EDC3: variants seen among roughly 807,000 people sequenced by gnomAD.
EDC3 encodes the protein enhancer of mRNA decapping 3.
Under a neutral mutation model 41.8 loss-of-function variants are expected in EDC3, and 20 were observed. The observed-to-expected ratio is 0.48, with a 90% CI of 0.34 to 0.70. EDC3 has a LOEUF of 0.70. Among genes scored for constraint, EDC3 ranks in the 30% least tolerant of loss-of-function variants. The probability of loss-of-function intolerance (pLI) is 0.01; values close to 1 mark genes in which losing one functional copy is unlikely to be tolerated. For missense variants in EDC3, 444 were observed against 636.8 expected, an observed-to-expected ratio of 0.70 and a Z score of 3.26; for synonymous variants, 206 against 243.2, an observed-to-expected ratio of 0.85 and a Z score of 1.42.
At chr15:74,658,029 G>A (rs1053082365) in intron 3 of EDC3, among the ~76,000 whole-genome samples, 1 of 152,068 alleles carries the variant, frequency 6.6e-6, no homozygotes, top group Non-Finnish European at 1.5e-5. Flanking sequence ...CTACACATCA[G>A]TCAACAACTA....
At chr15:74,647,920 TC>T in intron 4 of EDC3, among the ~76,000 whole-genome samples, 1 of 152,296 alleles carries the variant, frequency 6.6e-6, no homozygotes, top group South Asian at 2.1e-4. Context: ...TCCTGATGTC[TC>T]CCAGAATAAC....
At chr15:74,662,615 T>C (rs2141630302) in intron 3 of EDC3, among the ~76,000 whole-genome samples, 1 of 151,960 alleles carries the variant, frequency 6.6e-6, no homozygotes, top group African/African-American at 2.4e-5. Context: ...TATAAAAGAG[T>C]TACGAAGCAA....
rs1052003349 is a variant in EDC3, at chr15:74,680,826, A to G, written c.-18-5684T>C. On this transcript the variant is annotated intron_variant, in intron 1 of 6. Transcript: ENST00000315127. ...ATACAAAAGCCAATCTTATTTCAGT[A>G]TATTAGCAATGAACACATGGGCAAT... Among the ~76,000 whole-genome samples the G allele has an allele frequency of 2.6e-5, 4 of 152,212 alleles. No homozygotes were observed. The East Asian group carries it at 5.8e-4, about 22-fold the overall frequency.
intron 1 of EDC3, among the ~76,000 whole-genome samples, chr15:74,677,790 C>T (rs1434233524): frequency 6.6e-6 from 1 of 152,120 alleles, no homozygotes; most frequent in African/African-American, 2.4e-5. Context: ...TAAATCTGCA[C>T]GTGGATGTTT....
chr15:74,674,551 T>C (rs903341020), intron 2 of EDC3, among the ~76,000 whole-genome samples: 3 of 152,112 alleles, frequency 2.0e-5, no homozygotes, highest in Non-Finnish European at 4.4e-5. Context: ...TTCTAGAGAA[T>C]GAAGCCACAA....
At position 74,632,146 on chromosome 15, in the gene EDC3, A is replaced by G. The variant is rs1398913916; in HGVS notation, c.*466T>C. 2 of 200,508 alleles carry G rather than the reference A, an allele frequency of 1.0e-5. No homozygotes were observed. The highest frequency in any genetic ancestry group is 2.3e-4 in the East Asian group (2 of 8,616). 12.4% of individuals were successfully genotyped at this position (200,508 alleles called of 1,614,324 possible). On this transcript the variant is annotated 3_prime_UTR_variant, in exon 7 of 7. Transcript: ENST00000315127. This position sits in a 1 kb window ranked among gnomAD's most constrained non-coding sequence, Gnocchi z 4.0. ...AGTGCAGGTCTGCCCTCTGGTGGAC[A>G]GCTGCCGTGCAGCTGGTTCTACAGA...
chr15:74,670,179 AC>A (rs985778096), intron 3 of EDC3, among the ~76,000 whole-genome samples: 1 of 151,910 alleles, frequency 6.6e-6, no homozygotes, highest in Non-Finnish European at 1.5e-5. Context: ...AATTTCTAAT[AC>A]ATTCTGCTAC....
chr15:74,676,237 G>A (rs2141659430), intron 1 of EDC3, among the ~76,000 whole-genome samples: 1 of 152,128 alleles, frequency 6.6e-6, no homozygotes, highest in East Asian at 1.9e-4. Context: ...ACTTTTGTAT[G>A]ACATGCTTAA....
At chr15:74,662,619 G>A (rs1189761826) in intron 3 of EDC3, among the ~76,000 whole-genome samples, 3 of 152,042 alleles carry the variant, frequency 2.0e-5, no homozygotes, top group African/African-American at 7.2e-5. Flanking sequence ...AAAGAGTTAC[G>A]AAGCAAGGGC....
At chr15:74,660,670 T>C (rs1299181933) in intron 3 of EDC3, among the ~76,000 whole-genome samples, 1 of 152,056 alleles carries the variant, frequency 6.6e-6, no homozygotes, top group Admixed American at 6.6e-5. Flanking sequence ...CAAAACATCC[T>C]ATTAGAAATA....
intron 1 of EDC3, among the ~76,000 whole-genome samples, chr15:74,676,497 CATA>C (rs1174958839): frequency 3.3e-5 from 5 of 152,014 alleles, no homozygotes; most frequent in African/African-American, 1.2e-4. Flanking sequence ...AGATAAAACA[CATA>C]TTATTAATAT....
intron 1 of EDC3, among the ~76,000 whole-genome samples, chr15:74,692,173 G>GA: frequency 1.3e-5 from 2 of 152,296 alleles, no homozygotes; most frequent in South Asian, 4.1e-4. Flanking sequence ...AGTAATCACA[G>GA]AAACCATGTG....
chr15:74,670,129 A>T (rs2062723376), intron 3 of EDC3, among the ~76,000 whole-genome samples: 1 of 148,750 alleles, frequency 6.7e-6, no homozygotes, highest in Non-Finnish European at 1.5e-5. Context: ...AAGTAGTGAG[A>T]TTACAGGTGT....
At chr15:74,635,788 C>CT (rs2062266006) in intron 5 of EDC3, 162 bp from the exon 6 acceptor site, 1 of 659,728 alleles carries the variant, frequency 1.5e-6, no homozygotes, top group Non-Finnish European at 2.6e-6. Flanking sequence ...CAGGCCAGGT[C>CT]TATAGGGTGG....
chr15:74,694,764 A>C (rs1355438156), intron 1 of EDC3, among the ~76,000 whole-genome samples: 1 of 152,200 alleles, frequency 6.6e-6, no homozygotes, highest in Non-Finnish European at 1.5e-5. Flanking sequence ...GCAGGGGCAC[A>C]ATAAGTCATG....
At chr15:74,646,118 G>C (rs2062415492) in intron 4 of EDC3, among the ~76,000 whole-genome samples, 1 of 149,712 alleles carries the variant, frequency 6.7e-6, no homozygotes, top group African/African-American at 2.5e-5. Context: ...TGTTATCCAG[G>C]CTGGAGTGCA....
At chr15:74,644,278 A>T (rs1269566877) in intron 4 of EDC3, 1 of 152,246 alleles carries the variant, frequency 6.6e-6, no homozygotes, top group Non-Finnish European at 1.5e-5. Context: ...TGGCCTCAAG[A>T]GACAGTTCGC....
chr15:74,643,426 A>G (rs2062376906), intron 4 of EDC3: 1 of 152,178 alleles, frequency 6.6e-6, no homozygotes, highest in Non-Finnish European at 1.5e-5. Flanking sequence ...ACTTCTTAGG[A>G]TCTGATTGAC....
chr15:74,692,501 T>C (rs1330119478), intron 1 of EDC3, among the ~76,000 whole-genome samples: 1 of 152,108 alleles, frequency 6.6e-6, no homozygotes, highest in Non-Finnish European at 1.5e-5. Flanking sequence ...ACTTCCCAAT[T>C]CATTTTATGA....
Sources: allele counts gnomAD v4.1 joint callset (sites outside exome capture counted in the v4.1 genomes callset), GRCh38; gene constraint gnomAD v4.1.1; non-coding constraint Gnocchi (gnomAD v3.1); transcripts MANE v1.5; gene names NCBI Gene and HGNC (gene_info 2026-07-23, HGNC 2026-07-21).